The following EFCAB14 variants were observed in gnomAD, a reference collection of about 807,000 sequenced individuals.
The protein encoded by EFCAB14 is EF-hand calcium binding domain 14, also known as EF-hand calcium-binding domain-containing protein 14.
In EFCAB14, 43 loss-of-function variants were observed where a neutral mutation model predicts 56.5. The observed-to-expected ratio is 0.76, with a 90% CI of 0.60 to 0.98. The LOEUF is 0.98. Among genes scored for constraint, EFCAB14 ranks in the 50% least tolerant of loss-of-function variants. The pLI is 0.00. For missense variants in EFCAB14, 538 were observed against 580.3 expected, an observed-to-expected ratio of 0.93 and a Z score of 0.75; for synonymous variants, 235 against 212.9, an observed-to-expected ratio of 1.10 and a Z score of -0.90.
Position 46,683,414 on chromosome 1 carries a change from T to C in EFCAB14, c.1198A>G (p.Ser400Gly), listed in dbSNP as rs1333457588. 2 of 1,613,744 alleles carry C rather than the reference T, an allele frequency of 1.2e-6. No individual in the cohort carries two copies. The highest frequency in any genetic ancestry group is 1.7e-6 in the Non-Finnish European group (2 of 1,179,856). ...AATGCTGATGGCTTTGATGTGAAAC[T>C]CTCTACTTGCTCTGTAACAAATACA... ...PETADEEQVE[S>G]FTSKPSALPK... is the part of the protein sequence containing the mutation. The change falls in exon 10 of 11, where the codon AGT (serine) becomes GGT (glycine). Residue 400 changes from serine to glycine, a missense_variant. Ser to Gly is a moderately conservative substitution (Grantham distance 56, BLOSUM62 0). Coordinates refer to ENST00000371933, the MANE Select transcript of EFCAB14 (RefSeq NM_014774.3).
Position 46,718,300 on chromosome 1 carries a change from A to T in EFCAB14, c.-213T>A. On this transcript the variant is annotated 5_prime_UTR_variant, in exon 1 of 11. Transcript: ENST00000371933. ...AACTGGAACTCAGATGGGTGGGGGA[A>T]ATCACATAGAAATGGCCAAGGAGCT... The T allele has an allele frequency of 1.9e-6, 1 of 514,978 alleles. No homozygotes were observed. 31.9% of individuals were successfully genotyped at this position (514,978 alleles called of 1,614,324 possible).
At chr1:46,679,728 A>G (rs1271020728) in intron 10 of EFCAB14, among the ~76,000 whole-genome samples, 1 of 145,650 alleles carries the variant, frequency 6.9e-6, no homozygotes, top group Non-Finnish European at 1.5e-5. Context: ...CTCCTGCCTC[A>G]GCCTCCTTAG....
intron 4 of EFCAB14, among the ~76,000 whole-genome samples, chr1:46,696,179 G>A (rs752126732): frequency 6.7e-6 from 1 of 150,222 alleles, no homozygotes; most frequent in Non-Finnish European, 1.5e-5. Flanking sequence ...ATGTACAATT[G>A]GTCTGCTTTG....
chr1:46,687,983 ACCC>A (rs1676913732), intron 7 of EFCAB14, among the ~76,000 whole-genome samples: 1 of 152,090 alleles, frequency 6.6e-6, no homozygotes, highest in Non-Finnish European at 1.5e-5. Context: ...CATGGCTCCC[ACCC>A]CTAATAACTT....
intron 7 of EFCAB14, among the ~76,000 whole-genome samples, chr1:46,687,905 C>G (rs977736397): frequency 6.6e-6 from 1 of 152,070 alleles, no homozygotes; most frequent in Admixed American, 6.6e-5. Context: ...ATATAGACAG[C>G]AGGATAAATA....
intron 3 of EFCAB14, among the ~76,000 whole-genome samples, chr1:46,704,223 TG>T (rs983931382): frequency 7.4e-6 from 1 of 135,340 alleles, no homozygotes; most frequent in Non-Finnish European, 1.5e-5. Flanking sequence ...GAGGCTAAGG[TG>T]GGAGGATCAC....
At chr1:46,688,073 C>G (rs1408518350) in intron 7 of EFCAB14, among the ~76,000 whole-genome samples, 2 of 152,174 alleles carry the variant, frequency 1.3e-5, no homozygotes, top group African/African-American at 4.8e-5. Context: ...GGTAACATGA[C>G]AGTAGCCTTG....
chr1:46,689,694 GT>G lies in EFCAB14; in HGVS notation c.691-4del, dbSNP rs778913667. The G allele has an allele frequency of 1.4e-5, 23 of 1,613,438 alleles. No individual in the cohort carries two copies. In the East Asian group the frequency reaches 5.1e-4, roughly 36 times the overall value. On this transcript the variant is annotated splice_polypyrimidine_tract_variant and splice_region_variant and intron_variant, in intron 5 of 10. Transcript: ENST00000371933. ...GTCTCCTTCAAGAAGTGCTGATTCT[GT>G]TAAGAGGAAAGAAGTTTAGTGTAGG... is the stretch of plus-strand genomic sequence containing the variant.
In EFCAB14 at chr1:46,718,348, T is replaced by C. The variant is rs1197763239; in HGVS notation, c.-261A>G. The C allele has an allele frequency of 9.7e-6, 4 of 412,112 alleles. No individual in the cohort carries two copies. The highest frequency in any genetic ancestry group is 1.8e-5 in the Non-Finnish European group (4 of 224,756). 25.5% of individuals were successfully genotyped at this position (412,112 alleles called of 1,614,324 possible). A position where few individuals can be genotyped will look rare whatever the true frequency, so the allele number is the denominator to read the frequency against. ...GCTGGTGACCCCAAAGGATAAGGCCTTGGGTGCAGAGTGTTAGTAGAGGGT... is the reference window on the plus strand; with the variant it reads ...GCTGGTGACCCCAAAGGATAAGGCCCTGGGTGCAGAGTGTTAGTAGAGGGT... On this transcript the variant is annotated 5_prime_UTR_variant, in exon 1 of 11. Coordinates refer to ENST00000371933, the MANE Select transcript of EFCAB14 (RefSeq NM_014774.3).
At chr1:46,700,016 G>A (rs1452740133) in intron 3 of EFCAB14, among the ~76,000 whole-genome samples, 1 of 152,170 alleles carries the variant, frequency 6.6e-6, no homozygotes, top group African/African-American at 2.4e-5. Flanking sequence ...ATGTGAGTGA[G>A]GAACCTCCAG....
intron 1 of EFCAB14, among the ~76,000 whole-genome samples, chr1:46,717,601 C>T (rs1030702687): frequency 6.6e-6 from 1 of 152,198 alleles, no homozygotes; most frequent in East Asian, 1.9e-4. Flanking sequence ...CAAAGCTTCT[C>T]TGCTCCTCTG....
intron 8 of EFCAB14, 71 bp downstream of exon 8, chr1:46,686,713 A>G: frequency 6.9e-7 from 1 of 1,443,614 alleles, no homozygotes; most frequent in Non-Finnish European, 9.6e-7. Context: ...TTGAAAAAGT[A>G]GCAGTAGATC....
chr1:46,711,375 G>T (rs999131715), intron 2 of EFCAB14, among the ~76,000 whole-genome samples: 1 of 152,208 alleles, frequency 6.6e-6, no homozygotes, highest in East Asian at 1.9e-4. Context: ...CAGTCTATAC[G>T]CATGAACTAG....
intron 7 of EFCAB14, among the ~76,000 whole-genome samples, chr1:46,687,987 C>G (rs1202813583): frequency 6.6e-6 from 1 of 152,136 alleles, no homozygotes; most frequent in African/African-American, 2.4e-5. Context: ...GCTCCCACCC[C>G]TAATAACTTA....
intron 3 of EFCAB14, among the ~76,000 whole-genome samples, chr1:46,704,337 T>C (rs546628124): frequency 2.6e-5 from 4 of 151,916 alleles, no homozygotes; most frequent in South Asian, 2.1e-4. Flanking sequence ...TAGCCAGATA[T>C]GGTGGTGCGT....
At chr1:46,696,830 C>T (rs1006920009) in intron 3 of EFCAB14, among the ~76,000 whole-genome samples, 181 bp from the exon 4 acceptor site, 2 of 152,114 alleles carry the variant, frequency 1.3e-5, no homozygotes, top group African/African-American at 2.4e-5. Context: ...ATCTGGGAGG[C>T]AACAATAATA....
At position 46,686,823 on chromosome 1, in the gene EFCAB14, G is replaced by A; in HGVS notation, c.1035C>T (p.Val345=). 6.2e-7 allele frequency: 1 copy of A among 1,613,786 alleles called. No individual in the cohort carries two copies. Among genetic ancestry groups the A allele is most frequent in the Non-Finnish European group, 8.5e-7 (1 of 1,179,852 alleles). The change falls in exon 8 of 11, where the codon GTC becomes GTT. Residue 345 remains valine (V), a synonymous_variant. Transcript: ENST00000371933. ...TTTTTACTGTATCTGTTCTGTTGGT[G>A]ACTTGATCCAAAGACTGTCTTTTCA... The part of the protein sequence containing the change: ...ATLKRQSLDQ[V]TNRTDTVKIQ...
chr1:46,681,777 T>C (rs955194772), intron 10 of EFCAB14, among the ~76,000 whole-genome samples: 1 of 152,072 alleles, frequency 6.6e-6, no homozygotes, highest in Admixed American at 6.6e-5. Context: ...TCCAAAAGTA[T>C]AGTCATCCAA....
intron 8 of EFCAB14, among the ~76,000 whole-genome samples, 189 bp from the exon 9 acceptor site, chr1:46,684,791 T>C (rs1676852892): frequency 6.6e-6 from 1 of 152,166 alleles, no homozygotes; most frequent in South Asian, 2.1e-4. Flanking sequence ...AGTATCTTGC[T>C]GGATTTGAAA....
Sources: gnomAD v4.1 joint callset for allele counts (sites outside exome capture counted in the v4.1 genomes callset) on GRCh38, gnomAD v4.1.1 for gene constraint, MANE v1.5 for transcripts, NCBI Gene and HGNC (gene_info 2026-07-23, HGNC 2026-07-21) for gene names.